Variants in CBFB observed in about 807,000 individuals in gnomAD.
The protein encoded by CBFB is CBF-beta.
Under a neutral mutation model 30.4 loss-of-function variants are expected in CBFB, and 9 were observed. The observed-to-expected ratio is 0.30, with a 90% confidence interval of 0.18 to 0.52. The LOEUF (loss-of-function observed/expected upper bound fraction) is 0.52. Among genes scored for constraint, CBFB ranks in the 20% least tolerant of loss-of-function variants. The pLI, the probability that CBFB is intolerant of heterozygous loss-of-function variation, is 0.97. For synonymous variants in CBFB, 94 were observed against 84.0 expected (o/e 1.12, Z -0.65); for missense variants, 170 against 244.0 (o/e 0.70, Z 2.02).
intron 3 of CBFB, among the ~76,000 whole-genome samples, chr16:67,056,131 T>C (rs1054214336): frequency 1.3e-5 from 2 of 152,240 alleles, no homozygotes; most frequent in African/African-American, 4.8e-5. Context: ...CTATGTTTTA[T>C]AAGTTTTCAT....
chr16:67,031,834 A>G (rs77022814), intron 2 of CBFB, among the ~76,000 whole-genome samples: 2 of 151,004 alleles, frequency 1.3e-5, no homozygotes, highest in African/African-American at 4.9e-5. Flanking sequence ...TTTTTTTTTA[A>G]GAGAGAGGTC....
At chr16:67,042,859 T>C (rs9940931) in intron 3 of CBFB, among the ~76,000 whole-genome samples, 31,091 of 151,970 alleles carry the variant, frequency 0.2, 6,159 homozygotes, top group African/African-American at 0.52. Flanking sequence ...CCTCAGCCTC[T>C]CAAGTAGCTG....
chr16:67,031,107 C>T (rs375755415), intron 2 of CBFB, among the ~76,000 whole-genome samples: 1 of 152,096 alleles, frequency 6.6e-6, no homozygotes, highest in African/African-American at 2.4e-5. Flanking sequence ...TAAAATTCTC[C>T]CTTTACATCA....
In CBFB at chr16:67,066,850, G is replaced by A. The variant is rs1167592745; in HGVS notation, c.399+52G>A. The A allele has an allele frequency of 7.6e-6, 8 of 1,058,404 alleles. No individual in the cohort carries two copies. In the Middle Eastern group the frequency reaches 1.1e-3, roughly 145 times the overall value. The allele number at this position is 1,058,404 out of a possible 1,614,324, so 65.6% of individuals were successfully genotyped here. The stretch of plus-strand genomic sequence containing the variant: ...CATGGTCCCTTTAGTCCCTAATCTT[G>A]CCTTTGCCTGGGGACCTATTTTACC... On this transcript the variant is annotated intron_variant, in intron 4 of 5. Coordinates refer to ENST00000412916, the MANE Select transcript of CBFB (RefSeq NM_022845.3).
At chr16:67,061,336 A>T (rs1960906098) in intron 3 of CBFB, among the ~76,000 whole-genome samples, 1 of 152,206 alleles carries the variant, frequency 6.6e-6, no homozygotes, top group South Asian at 2.1e-4. Flanking sequence ...ACCCATTTTA[A>T]ATCAATTTTG....
intron 3 of CBFB, among the ~76,000 whole-genome samples, chr16:67,042,845 C>G (rs940757487): frequency 6.6e-6 from 1 of 152,194 alleles, no homozygotes. Flanking sequence ...AAGCAATTCT[C>G]CTTCCTCAGC....
At chr16:67,073,764 A>G (rs558685279) in intron 4 of CBFB, among the ~76,000 whole-genome samples, 2 of 150,888 alleles carry the variant, frequency 1.3e-5, no homozygotes, top group South Asian at 2.1e-4. Context: ...GGCCGGGCGC[A>G]GTGGCTTATG....
chr16:67,066,833 C>CT, intron 4 of CBFB, 35 bp downstream of exon 4: 1 of 1,203,246 alleles, frequency 8.3e-7, no homozygotes, highest in Non-Finnish European at 1.2e-6. Flanking sequence ...AGCATGGTCC[C>CT]TTTAGTCCCT....
chr16:67,068,858 T>G (rs1961135553), intron 4 of CBFB, among the ~76,000 whole-genome samples: 5 of 152,178 alleles, frequency 3.3e-5, no homozygotes, highest in Admixed American at 3.3e-4. Flanking sequence ...ATGATGGCAG[T>G]GACTAATTAA....
chr16:67,045,649 T>C (rs1340494341), intron 3 of CBFB, among the ~76,000 whole-genome samples: 1 of 152,254 alleles, frequency 6.6e-6, no homozygotes, highest in East Asian at 1.9e-4. Flanking sequence ...TCTCTTCTTT[T>C]GGATTGCATT....
intron 5 of CBFB, among the ~76,000 whole-genome samples, chr16:67,083,516 G>A (rs537958108): frequency 8.6e-5 from 13 of 151,888 alleles, no homozygotes; most frequent in Non-Finnish European, 1.2e-4. Flanking sequence ...GGCTGGTCTC[G>A]GACTCCTGAC....
chr16:67,095,726 C>T (rs981921954), intron 5 of CBFB, among the ~76,000 whole-genome samples: 57 of 145,276 alleles, frequency 3.9e-4, no homozygotes, highest in Non-Finnish European at 1.8e-4. Context: ...GAGTTTCCCT[C>T]TTGTTGCCCA....
At chr16:67,049,379 C>G (rs1379611760) in intron 3 of CBFB, among the ~76,000 whole-genome samples, 1 of 151,202 alleles carries the variant, frequency 6.6e-6, no homozygotes, top group Non-Finnish European at 1.5e-5. Context: ...GATTTTTGTA[C>G]TTTTAGTAGA....
At chr16:67,047,973 G>T (rs142198647) in intron 3 of CBFB, among the ~76,000 whole-genome samples, 2 of 152,266 alleles carry the variant, frequency 1.3e-5, no homozygotes, top group African/African-American at 4.8e-5. Context: ...GGAGGCTAAG[G>T]CAGGAGAATC....
chr16:67,048,556 T>G (rs1966671578), intron 3 of CBFB, among the ~76,000 whole-genome samples: 2 of 151,980 alleles, frequency 1.3e-5, no homozygotes. Flanking sequence ...TGGTGTTTTT[T>G]GTTTGTTTGT....
chr16:67,072,569 C>T (rs756205087), intron 4 of CBFB, among the ~76,000 whole-genome samples: 17 of 151,788 alleles, frequency 1.1e-4, no homozygotes, highest in Non-Finnish European at 2.1e-4. Context: ...TGGGTTCAAG[C>T]GATTCTCCTG....
intron 3 of CBFB, among the ~76,000 whole-genome samples, chr16:67,038,165 A>G (rs1966472417): frequency 2.0e-5 from 3 of 151,960 alleles, no homozygotes. Flanking sequence ...ACCCGTTTCT[A>G]TCAACTTACT....
chr16:67,077,270 T>C lies in CBFB; in HGVS notation c.400-4943T>C, dbSNP rs916977364. Reference sequence around the variant, plus strand: ...GTTTTATTTGATTCCATGATTGGATTAGAAAAATTGAACCATTATTGGAAT... The same window carrying C: ...GTTTTATTTGATTCCATGATTGGATCAGAAAAATTGAACCATTATTGGAAT... On this transcript the variant is annotated intron_variant, in intron 4 of 5. Transcript: ENST00000412916. 5.8e-4 allele frequency among the ~76,000 whole-genome samples: 88 copies of C among 152,360 alleles called. 1 individual carries two copies. Among genetic ancestry groups the C allele is most frequent in the African/African-American group, 2.0e-3 (83 of 41,598 alleles).
chr16:67,066,906 G>A (rs1423850559), intron 4 of CBFB, 108 bp downstream of exon 4: 3 of 605,916 alleles, frequency 5.0e-6, no homozygotes, highest in Non-Finnish European at 9.1e-6. Flanking sequence ...AGAAAGTATT[G>A]TGTTGAAGCA....
Sources: gnomAD v4.1 joint callset for allele counts (sites outside exome capture counted in the v4.1 genomes callset) on GRCh38, gnomAD v4.1.1 for gene constraint, MANE v1.5 for transcripts, NCBI Gene and HGNC (gene_info 2026-07-23, HGNC 2026-07-21) for gene names.